The following INPP4B variants were observed in gnomAD, a reference collection of about 807,000 sequenced individuals.
The protein encoded by INPP4B is inositol polyphosphate-4-phosphatase type II B, also known as inositol polyphosphate 4-phosphatase type II.
INPP4B carries 55 observed loss-of-function variants against 122.5 expected under a neutral mutation model. That is an observed-to-expected ratio of 0.45 (90% CI 0.36 to 0.56). The LOEUF is 0.56. Ranked by LOEUF, INPP4B falls within the 20% of genes least tolerant of loss-of-function variation. INPP4B has a pLI of 0.00. For missense variants in INPP4B, 1,000 were observed against 1,097.7 expected (o/e 0.91, Z 1.26); for synonymous variants, 403 against 388.7 (o/e 1.04, Z -0.43).
Position 142,083,733 on chromosome 4 carries a change from G to A in INPP4B, c.2488-1548C>T, listed in dbSNP as rs577675042. ...TATAAGTGACTAGAAAAATGTGAGA[G>A]CATGATGTCTCCATACAATCTTTTT... is the stretch of plus-strand genomic sequence containing the variant. On this transcript the variant is annotated intron_variant, in intron 24 of 25. Transcript: ENST00000262992. Among the ~76,000 whole-genome samples, 56 of 152,108 alleles carry A rather than the reference G, an allele frequency of 3.7e-4. 1 individual carries two copies. In the South Asian group the frequency reaches 5.2e-3, roughly 14 times the overall value.
chr4:142,651,768 T>G (rs1483046522), intron 2 of INPP4B, among the ~76,000 whole-genome samples: 1 of 152,188 alleles, frequency 6.6e-6, no homozygotes, highest in African/African-American at 2.4e-5. Context: ...ACCTGGTAGA[T>G]TCACAGCTGA....
chr4:142,175,778 T>A (rs971005709), intron 15 of INPP4B, among the ~76,000 whole-genome samples: 1 of 152,146 alleles, frequency 6.6e-6, no homozygotes, highest in Non-Finnish European at 1.5e-5. Context: ...ATGTAAAGTT[T>A]AATCCGTAAC....
intron 2 of INPP4B, among the ~76,000 whole-genome samples, chr4:142,652,819 A>G (rs936243244): frequency 7.9e-5 from 12 of 152,206 alleles, no homozygotes; most frequent in African/African-American, 2.9e-4. Context: ...TGCCATCCCC[A>G]TCAAGCTACC....
At chr4:142,758,675 G>A (rs1013532808) in intron 1 of INPP4B, among the ~76,000 whole-genome samples, 4 of 152,014 alleles carry the variant, frequency 2.6e-5, no homozygotes, top group Admixed American at 1.3e-4. Flanking sequence ...TGTTAAGGCC[G>A]GGCACAATGT....
Position 142,028,253 on chromosome 4 carries a change from T to A in INPP4B, c.*529A>T. On this transcript the variant is annotated 3_prime_UTR_variant, in exon 26 of 26. Coordinates refer to ENST00000262992, the MANE Select transcript of INPP4B (RefSeq NM_001101669.3). ...ATCATTGTGGAACATACCTGCAAAC[T>A]GCCTCAGTATTCCAGATCATGAGTT... is the stretch of plus-strand genomic sequence containing the variant. The A allele has an allele frequency of 4.4e-6, 1 of 227,254 alleles. No homozygotes were observed. Among genetic ancestry groups the A allele is most frequent in the Non-Finnish European group, 8.7e-6 (1 of 114,298 alleles). The allele number at this position is 227,254 out of a possible 1,614,324, so 14.1% of individuals were successfully genotyped here. A position where few individuals can be genotyped will look rare whatever the true frequency, so the allele number is the denominator to read the frequency against.
At chr4:142,825,748 A>G (rs888956806) in intron 1 of INPP4B, among the ~76,000 whole-genome samples, 9 of 152,148 alleles carry the variant, frequency 5.9e-5, no homozygotes, top group Non-Finnish European at 1.3e-4. Flanking sequence ...TTTGAGAGGC[A>G]GAATTGGAAT....
intron 2 of INPP4B, among the ~76,000 whole-genome samples, chr4:142,661,143 C>T (rs1252088015): frequency 6.6e-6 from 1 of 152,080 alleles, no homozygotes; most frequent in Admixed American, 6.6e-5. Flanking sequence ...TTCCCCCACC[C>T]GTTTTTCTCC....
rs1160055006 is a variant in INPP4B, at chr4:142,134,769, C to CCT, written c.1721-10011_1721-10010dup. Among the ~76,000 whole-genome samples, 36 of 140,908 alleles carry CCT rather than the reference C, an allele frequency of 2.6e-4. No individual in the cohort carries two copies. The East Asian group carries it at 6.6e-3, about 26-fold the overall frequency. The allele number at this position is 140,908 out of a possible 152,430, so 92.4% of individuals were successfully genotyped here. A position where few individuals can be genotyped will look rare whatever the true frequency, so the allele number is the denominator to read the frequency against. ...CTGAGATCACACCATTGCATTCCAG[C>CCT]CTGGGCAACAAGAGCGAAACTCTGT... On this transcript the variant is annotated intron_variant, in intron 18 of 25. Coordinates refer to ENST00000262992, the MANE Select transcript of INPP4B (RefSeq NM_001101669.3).
intron 7 of INPP4B, among the ~76,000 whole-genome samples, chr4:142,367,681 A>G (rs1788079558): frequency 6.6e-6 from 1 of 152,126 alleles, no homozygotes; most frequent in Non-Finnish European, 1.5e-5. Context: ...CAATTCATGC[A>G]TCCATAATAC....
intron 2 of INPP4B, among the ~76,000 whole-genome samples, chr4:142,644,128 G>T (rs1312717845): frequency 1.3e-5 from 2 of 151,990 alleles, no homozygotes; most frequent in East Asian, 1.9e-4. Context: ...AAGCCCAAGG[G>T]TTGGAGGCTA....
At chr4:142,336,702 G>T (rs1398049056) in intron 7 of INPP4B, among the ~76,000 whole-genome samples, 1 of 152,198 alleles carries the variant, frequency 6.6e-6, no homozygotes, top group African/African-American at 2.4e-5. Flanking sequence ...GTAGCACGTT[G>T]GGCCCAGTCA....
chr4:142,648,302 T>C (rs1332599890), intron 2 of INPP4B, among the ~76,000 whole-genome samples: 2 of 152,190 alleles, frequency 1.3e-5, no homozygotes, highest in Non-Finnish European at 1.5e-5. Context: ...ACCTGGTTTA[T>C]CTCACAGGGA....
chr4:142,794,950 G>A (rs373979150), intron 1 of INPP4B, among the ~76,000 whole-genome samples: 2 of 126,934 alleles, frequency 1.6e-5, no homozygotes, highest in East Asian at 2.1e-4. Context: ...ATATGTGTGT[G>A]TATATACATA....
intron 7 of INPP4B, among the ~76,000 whole-genome samples, chr4:142,341,003 T>C (rs1778523812): frequency 1.3e-5 from 2 of 152,230 alleles, no homozygotes. Flanking sequence ...CATCTCATAA[T>C]GCATTTGCCA....
At position 142,398,278 on chromosome 4, in the gene INPP4B, T is replaced by C. The variant is rs1181474948; in HGVS notation, c.372+4660A>G. Among the ~76,000 whole-genome samples the C allele has an allele frequency of 2.1e-5, 3 of 146,306 alleles. No homozygotes were observed. In the East Asian group the frequency reaches 6.2e-4, roughly 30 times the overall value. The stretch of plus-strand genomic sequence containing the variant: ...CTGTAGTCCCAGCTACTCGGGAGGC[T>C]GAGGCAGGAGAATGGCGTAAACCCG... On this transcript the variant is annotated intron_variant, in intron 7 of 25. Transcript: ENST00000262992.
intron 2 of INPP4B, among the ~76,000 whole-genome samples, chr4:142,487,415 A>G (rs1821337186): frequency 6.6e-6 from 1 of 152,176 alleles, no homozygotes; most frequent in South Asian, 2.1e-4. Context: ...GTTCTTCTTC[A>G]AAACGTTTGT....
chr4:142,396,294 G>C (rs1037943835), intron 7 of INPP4B, among the ~76,000 whole-genome samples: 4 of 151,932 alleles, frequency 2.6e-5, no homozygotes, highest in Non-Finnish European at 4.4e-5. Flanking sequence ...TTAATAAATA[G>C]GCAAAAGACT....
intron 15 of INPP4B, among the ~76,000 whole-genome samples, chr4:142,182,461 C>G (rs1363995584): frequency 6.9e-6 from 1 of 144,766 alleles, no homozygotes; most frequent in South Asian, 2.2e-4. Flanking sequence ...GGCAGGAGAA[C>G]TGCTTGAACC....
intron 12 of INPP4B, among the ~76,000 whole-genome samples, chr4:142,209,487 A>AT (rs1277001951): frequency 2.6e-5 from 4 of 151,966 alleles, no homozygotes; most frequent in African/African-American, 4.8e-5. Flanking sequence ...AGTTACAAAT[A>AT]TTTTTTTAAA....
Sources: allele counts gnomAD v4.1 joint callset (sites outside exome capture counted in the v4.1 genomes callset), GRCh38; gene constraint gnomAD v4.1.1; transcripts MANE v1.5; gene names NCBI Gene and HGNC (gene_info 2026-07-23, HGNC 2026-07-21).